Variants in WWOX observed in about 807,000 individuals in gnomAD.
The protein encoded by WWOX is WW domain containing oxidoreductase, also known as WW domain-containing oxidoreductase.
Under a neutral mutation model 46.2 loss-of-function variants are expected in WWOX, and 69 were observed. The ratio of observed to expected loss-of-function variants is 1.49; its 90% CI spans 1.23 to 1.82. The LOEUF is 1.82. Ranked by LOEUF, WWOX falls within the 40% of genes most tolerant of loss-of-function variation. The probability of loss-of-function intolerance (pLI) is 0.00; values close to 1 mark genes in which losing one functional copy is unlikely to be tolerated. For synonymous variants in WWOX, 359 were observed against 202.6 expected, an observed-to-expected ratio of 1.77 and a Z score of -6.56; for missense variants, 919 against 542.6, an observed-to-expected ratio of 1.69 and a Z score of -6.89.
chr16:78,196,666 G>A (rs1488835191), intron 5 of WWOX, among the ~76,000 whole-genome samples: 1 of 152,196 alleles, frequency 6.6e-6, no homozygotes, highest in African/African-American at 2.4e-5. Flanking sequence ...AGACTCTGGG[G>A]AAAAGCACAG....
intron 8 of WWOX, among the ~76,000 whole-genome samples, chr16:78,822,179 A>G (rs2051516630): frequency 1.3e-5 from 2 of 152,142 alleles, no homozygotes; most frequent in South Asian, 4.1e-4. Flanking sequence ...CCCAGCCTTA[A>G]ATAAACTCTT....
chr16:79,102,874 C>A (rs2049229513), intron 8 of WWOX, among the ~76,000 whole-genome samples: 1 of 152,002 alleles, frequency 6.6e-6, no homozygotes. Context: ...GCAGAATGTC[C>A]TGTGTACTTG....
At chr16:78,849,817 A>C (rs530165636) in intron 8 of WWOX, among the ~76,000 whole-genome samples, 1 of 152,104 alleles carries the variant, frequency 6.6e-6, no homozygotes, top group Non-Finnish European at 1.5e-5. Context: ...TCATGCCTGT[A>C]ATCCCAGCAC....
intron 8 of WWOX, among the ~76,000 whole-genome samples, chr16:78,795,402 G>C (rs2050710871): frequency 6.6e-6 from 1 of 152,120 alleles, no homozygotes; most frequent in Non-Finnish European, 1.5e-5. Flanking sequence ...GAGTAGGATG[G>C]AAAGGAGATC....
chr16:79,151,925 A>G (rs1277622207), intron 8 of WWOX, among the ~76,000 whole-genome samples: 1 of 152,192 alleles, frequency 6.6e-6, no homozygotes, highest in African/African-American at 2.4e-5. Flanking sequence ...GAAATATCAC[A>G]TGTAAATAGC....
At chr16:79,008,407 C>G (rs1229347925) in intron 8 of WWOX, among the ~76,000 whole-genome samples, 2 of 152,162 alleles carry the variant, frequency 1.3e-5, no homozygotes, top group South Asian at 2.1e-4. Context: ...TCCATGACAT[C>G]TGCGAAATTC....
chr16:78,392,499 T>G (rs554199501), intron 6 of WWOX, among the ~76,000 whole-genome samples: 7 of 152,256 alleles, frequency 4.6e-5, no homozygotes, highest in African/African-American at 1.7e-4. Context: ...GTCATCTGCT[T>G]GAATCGTCCC....
chr16:78,125,479 C>G (rs1472447051), intron 4 of WWOX, among the ~76,000 whole-genome samples: 2 of 152,186 alleles, frequency 1.3e-5, no homozygotes, highest in Non-Finnish European at 2.9e-5. Context: ...AAGCCTCGCT[C>G]TGTGCCCGGT....
intron 8 of WWOX, among the ~76,000 whole-genome samples, chr16:78,950,694 C>A (rs890198119): frequency 6.6e-6 from 1 of 152,166 alleles, no homozygotes; most frequent in Non-Finnish European, 1.5e-5. Context: ...TTTCTGCAAG[C>A]TTCTAAGTAA....
At chr16:78,536,512 C>T (rs544464041) in intron 8 of WWOX, among the ~76,000 whole-genome samples, 4 of 152,050 alleles carry the variant, frequency 2.6e-5, no homozygotes, top group South Asian at 2.1e-4. Flanking sequence ...GAGGGAAGTC[C>T]GCTGATTGTT....
chr16:78,116,865 C>G (rs1205672507), intron 4 of WWOX, among the ~76,000 whole-genome samples: 1 of 152,182 alleles, frequency 6.6e-6, no homozygotes, highest in Non-Finnish European at 1.5e-5. Context: ...TATGTGACTA[C>G]TGATTGTTTT....
At chr16:78,660,273 C>T (rs925097475) in intron 8 of WWOX, among the ~76,000 whole-genome samples, 3 of 152,070 alleles carry the variant, frequency 2.0e-5, no homozygotes, top group Admixed American at 2.0e-4. Flanking sequence ...CCACTGTGAG[C>T]CCATCACTAA....
intron 8 of WWOX, among the ~76,000 whole-genome samples, chr16:78,883,383 C>G (rs574673046): frequency 1.3e-5 from 2 of 152,282 alleles, no homozygotes; most frequent in East Asian, 1.9e-4. Flanking sequence ...CTCGTGAAAT[C>G]CTAAATACAG....
In WWOX at chr16:78,601,671, A is replaced by T. The variant is rs2045626606; in HGVS notation, c.1056+168919A>T. Among the ~76,000 whole-genome samples the T allele has an allele frequency of 2.0e-5, 3 of 152,214 alleles. 1 individual carries two copies. Among genetic ancestry groups the T allele is most frequent in the African/African-American group, 7.2e-5 (3 of 41,458 alleles). On this transcript the variant is annotated intron_variant, in intron 8 of 8. Transcript: ENST00000566780. ...CATAATAAGAATGTGGTAGTATATTAATTGATGGAAATTGTAGAGTGGAAT... is the reference window on the plus strand; with the variant it reads ...CATAATAAGAATGTGGTAGTATATTTATTGATGGAAATTGTAGAGTGGAAT...
intron 8 of WWOX, among the ~76,000 whole-genome samples, chr16:78,957,636 A>G (rs1460335443): frequency 1.3e-5 from 2 of 152,202 alleles, no homozygotes; most frequent in Non-Finnish European, 2.9e-5. Flanking sequence ...TTCTATCTCT[A>G]AAAACTACAG....
rs180696164 is a variant in WWOX at position 78,841,087 on chromosome 16, A to G, written c.1057-370521A>G. Among the ~76,000 whole-genome samples the G allele has an allele frequency of 5.6e-4, 86 of 152,286 alleles. 1 individual carries two copies. The highest frequency in any genetic ancestry group is 3.4e-3 in the Middle Eastern group (1 of 294). On this transcript the variant is annotated intron_variant, in intron 8 of 8. Coordinates refer to ENST00000566780, the MANE Select transcript of WWOX (RefSeq NM_016373.4). The stretch of plus-strand genomic sequence containing the variant: ...CGGTAACATACACCTGTGCCCCCAG[A>G]CATTCATTTCGGTAAAAAACTTGTT...
intron 8 of WWOX, among the ~76,000 whole-genome samples, chr16:78,663,646 A>G (rs567084610): frequency 7.5e-4 from 115 of 152,328 alleles, no homozygotes; most frequent in Middle Eastern, 3.4e-3. Flanking sequence ...AGTGATGTCT[A>G]TGACATCCAG....
At chr16:79,130,065 A>G (rs1178345279) in intron 8 of WWOX, among the ~76,000 whole-genome samples, 4 of 152,220 alleles carry the variant, frequency 2.6e-5, no homozygotes, top group Non-Finnish European at 5.9e-5. Context: ...TATTTATTGG[A>G]ATAACCGTGT....
At chr16:78,970,493 A>T (rs984678400) in intron 8 of WWOX, among the ~76,000 whole-genome samples, 2 of 152,226 alleles carry the variant, frequency 1.3e-5, no homozygotes, top group African/African-American at 4.8e-5. Context: ...TAATAAAACC[A>T]GGGGAGACTC....
Sources: allele counts gnomAD v4.1 joint callset (sites outside exome capture counted in the v4.1 genomes callset), GRCh38; gene constraint gnomAD v4.1.1; transcripts MANE v1.5; gene names NCBI Gene and HGNC (gene_info 2026-07-23, HGNC 2026-07-21).